ABLIM1: variants seen among roughly 807,000 people sequenced by gnomAD.
The protein encoded by ABLIM1 is actin-binding LIM protein 1.
A neutral mutation model predicts 107.0 loss-of-function variants in ABLIM1; 40 were observed. The ratio of observed to expected loss-of-function variants is 0.37; its 90% CI spans 0.29 to 0.49. The LOEUF (loss-of-function observed/expected upper bound fraction) is 0.49. Among genes scored for constraint, ABLIM1 ranks in the 20% least tolerant of loss-of-function variants. ABLIM1 has a pLI of 0.97. For synonymous variants in ABLIM1, 357 were observed against 357.3 expected, an observed-to-expected ratio of 1.00 and a Z score of 0.01; for missense variants, 857 against 1,008.5, an observed-to-expected ratio of 0.85 and a Z score of 2.04.
At chr10:114,766,746 G>A (rs2082903917) in intron 1 of ABLIM1, among the ~76,000 whole-genome samples, 1 of 152,124 alleles carries the variant, frequency 6.6e-6, no homozygotes, top group Non-Finnish European at 1.5e-5. Context: ...TTAGGACAGC[G>A]GTCAGCACTC....
chr10:114,739,580 C>T (rs1006908741), intron 1 of ABLIM1, among the ~76,000 whole-genome samples: 1 of 151,858 alleles, frequency 6.6e-6, no homozygotes, highest in Non-Finnish European at 1.5e-5. Context: ...TTTTTTTTAA[C>T]TTAATATCAT....
chr10:114,444,890 C>A (rs1338087267), intron 16 of ABLIM1, among the ~76,000 whole-genome samples: 1 of 152,192 alleles, frequency 6.6e-6, no homozygotes, highest in African/African-American at 2.4e-5. Flanking sequence ...TGGGAAAAGA[C>A]TTGGAGAAAT....
At chr10:114,459,400 C>A (rs577741574) in intron 12 of ABLIM1, among the ~76,000 whole-genome samples, 3 of 152,358 alleles carry the variant, frequency 2.0e-5, no homozygotes, top group Admixed American at 6.5e-5. Context: ...AGGCTCCCCC[C>A]ATTCAGAAAT....
chr10:114,435,920 T>C lies in ABLIM1; in HGVS notation c.*340A>G, dbSNP rs1011644878. 3 of 189,460 alleles carry C rather than the reference T, an allele frequency of 1.6e-5. No individual in the cohort carries two copies. The highest frequency in any genetic ancestry group is 2.3e-5 in the African/African-American group (1 of 42,738). The allele number at this position is 189,460 out of a possible 1,614,324, so 11.7% of individuals were successfully genotyped here. On this transcript the variant is annotated 3_prime_UTR_variant, in exon 23 of 23. Transcript: ENST00000533213. ...TCCTAAGGGCACTTGCCAGCTCTTA[T>C]CCGGACAGTCAGCACTGTTGTTGGA...
chr10:114,764,617 C>T (rs1044022872), intron 1 of ABLIM1, among the ~76,000 whole-genome samples: 3 of 152,238 alleles, frequency 2.0e-5, no homozygotes, highest in African/African-American at 7.2e-5. Flanking sequence ...GCTGGGATTA[C>T]AGGCGTGAGC....
chr10:114,549,424 C>G (rs1025506988), intron 4 of ABLIM1, among the ~76,000 whole-genome samples: 1 of 152,066 alleles, frequency 6.6e-6, no homozygotes, highest in Non-Finnish European at 1.5e-5. Flanking sequence ...AATTACCCAG[C>G]ATAAGCCCAA....
chr10:114,712,886 GA>G (rs1566264339), intron 1 of ABLIM1, among the ~76,000 whole-genome samples: 2 of 152,154 alleles, frequency 1.3e-5, no homozygotes, highest in Non-Finnish European at 2.9e-5. Flanking sequence ...ATCCATTAAT[GA>G]AACACGCATC....
chr10:114,644,322 T>TGTATATATTGTATATATAC (rs1397318616), intron 1 of ABLIM1, among the ~76,000 whole-genome samples: 191 of 119,218 alleles, frequency 1.6e-3, no homozygotes, highest in African/African-American at 7.0e-3. Flanking sequence ...TATATATATA[T>TGTATATATTGTATATATAC]ATATATATGT....
chr10:114,788,761 A>AAAACC, the ABLIM1 span, among the ~76,000 whole-genome samples: 1 of 151,882 alleles, frequency 6.6e-6, no homozygotes, highest in African/African-American at 2.4e-5. Context: ...AAAACAAAAC[A>AAAACC]AAACCTCATA....
At chr10:114,590,180 A>G (rs1373781691) in intron 2 of ABLIM1, among the ~76,000 whole-genome samples, 2 of 152,182 alleles carry the variant, frequency 1.3e-5, no homozygotes, top group Non-Finnish European at 2.9e-5. Flanking sequence ...CTAGCTGTAC[A>G]GTAGGCTATA....
At chr10:114,673,214 T>C (rs1328644053) in intron 1 of ABLIM1, among the ~76,000 whole-genome samples, 3 of 145,214 alleles carry the variant, frequency 2.1e-5, no homozygotes, top group Admixed American at 7.1e-5. Flanking sequence ...GCCGAGATCA[T>C]GCCACTACAC....
At chr10:114,568,166 C>A in intron 4 of ABLIM1, among the ~76,000 whole-genome samples, 1 of 130,966 alleles carries the variant, frequency 7.6e-6, no homozygotes. Flanking sequence ...GTCCGCAGTC[C>A]AGCCTGGGCG....
chr10:114,655,129 G>A (rs190068521), intron 1 of ABLIM1, among the ~76,000 whole-genome samples: 42 of 152,270 alleles, frequency 2.8e-4, no homozygotes, highest in African/African-American at 9.4e-4. Flanking sequence ...ACAGAGAAAC[G>A]CACTTGGAAT....
intron 1 of ABLIM1, among the ~76,000 whole-genome samples, chr10:114,603,052 T>C (rs1441347986): frequency 2.0e-5 from 3 of 152,168 alleles, no homozygotes; most frequent in African/African-American, 7.2e-5. Flanking sequence ...TATAAAAACA[T>C]ACTCCTTAAG....
chr10:114,709,315 A>C (rs143828896), intron 1 of ABLIM1, among the ~76,000 whole-genome samples: 1,771 of 152,320 alleles, frequency 0.012, 13 homozygotes, highest in Non-Finnish European at 0.018. Flanking sequence ...CAAGGTTTGA[A>C]TCGTATAAAG....
intron 1 of ABLIM1, among the ~76,000 whole-genome samples, chr10:114,743,356 T>G (rs764267388): frequency 6.6e-6 from 1 of 152,182 alleles, no homozygotes; most frequent in African/African-American, 2.4e-5. Context: ...GTCATATATT[T>G]TGGAACTCAG....
At chr10:114,443,510 G>A (rs748846610) in intron 17 of ABLIM1, among the ~76,000 whole-genome samples, 7 of 151,408 alleles carry the variant, frequency 4.6e-5, no homozygotes, top group Non-Finnish European at 7.4e-5. Flanking sequence ...ATGGGGTTTC[G>A]CCACGTTGAC....
At position 114,473,892 on chromosome 10, in the gene ABLIM1, C is replaced by T; in HGVS notation, c.1106G>A (p.Gly369Asp). Reference protein sequence around the residue: ...RPGSSIPGSPGHTIYAKVDNE... With the variant: ...RPGSSIPGSPDHTIYAKVDNE... ...GTAGATACTTACATAGATAGTATGA[C>T]CTGGTGAGCCAGGAATACTGGAGCC... Residue 369 changes from glycine to aspartate, a missense_variant, in exon 9 of 23, where the codon GGT (glycine) becomes GAT (aspartate). Gly to Asp is a moderately conservative substitution (Grantham distance 94). This residue lies in a region of ABLIM1 where 381 missense variants were observed against 506.9 expected (regional missense o/e 0.75). Coordinates refer to ENST00000533213, the MANE Select transcript of ABLIM1 (RefSeq NM_002313.7). 3 of 1,612,568 alleles carry T rather than the reference C, an allele frequency of 1.9e-6. No homozygotes were observed. The highest frequency in any genetic ancestry group is 1.1e-5 in the South Asian group (1 of 91,032).
intron 10 of ABLIM1, among the ~76,000 whole-genome samples, chr10:114,471,016 C>T (rs921045120): frequency 2.6e-5 from 4 of 152,180 alleles, no homozygotes; most frequent in African/African-American, 9.7e-5. Flanking sequence ...TCCCAAGTTG[C>T]TGGGACTACA....
Sources: gnomAD v4.1 joint callset for allele counts (sites outside exome capture counted in the v4.1 genomes callset) on GRCh38, gnomAD v4.1.1 for gene constraint, gnomAD v4.1.1 regional missense constraint, MANE v1.5 for transcripts, NCBI Gene and HGNC (gene_info 2026-07-23, HGNC 2026-07-21) for gene names.